Variants in EXOC3L4 observed in about 807,000 individuals in gnomAD.
EXOC3L4 encodes the protein exocyst complex component 3 like 4.
Under a neutral mutation model 69.7 loss-of-function variants are expected in EXOC3L4, and 62 were observed. That is an observed-to-expected ratio of 0.89 (90% confidence interval 0.72 to 1.10). The LOEUF is 1.10. EXOC3L4 is among the 50% of genes least tolerant of loss of function. The pLI is 0.00. For synonymous variants in EXOC3L4, 502 were observed against 464.2 expected, an observed-to-expected ratio of 1.08 and a Z score of -1.05; for missense variants, 1,087 against 1,034.8, an observed-to-expected ratio of 1.05 and a Z score of -0.69.
intron 2 of EXOC3L4, among the ~76,000 whole-genome samples, chr14:103,101,244 G>A (rs892577656): frequency 6.6e-6 from 1 of 151,988 alleles, no homozygotes; most frequent in East Asian, 1.9e-4. Flanking sequence ...GTAGAGATAT[G>A]GTCTTGCTAT....
At position 103,100,447 on chromosome 14, in the gene EXOC3L4, C is replaced by G; in HGVS notation, c.228C>G (p.Phe76Leu). The change falls in exon 2 of 12, where the codon TTC becomes TTG. Residue 76 changes from phenylalanine (F) to leucine (L), a missense_variant. Phe to Leu is a conservative substitution (Grantham distance 22, BLOSUM62 0). Transcript: ENST00000688303. ...TQVSKEDTGL[F>L]RRSSCSLFRS... ...TCTCCAAGGAAGATACGGGCCTGTT[C>G]CGGCGAAGCTCCTGCTCCCTGTTCC... is the stretch of plus-strand genomic sequence containing the variant. 3 of 1,613,394 alleles carry G rather than the reference C, an allele frequency of 1.9e-6. No individual in the cohort carries two copies. The South Asian group carries it at 3.3e-5, about 18-fold the overall frequency.
In EXOC3L4 at chr14:103,102,114, G is replaced by A. The variant is rs1890217457; in HGVS notation, c.395-4G>A. On this transcript the variant is annotated splice_region_variant and splice_polypyrimidine_tract_variant and intron_variant, in intron 2 of 11. Transcript: ENST00000688303. ...CTCACCGCCCTTCTCGCCCGCCTGT[G>A]CAGAAGGCAAATCCGTGGCCGACCT... The A allele has an allele frequency of 1.3e-6, 2 of 1,599,852 alleles. No homozygotes were observed. Among genetic ancestry groups the A allele is most frequent in the African/African-American group, 1.3e-5 (1 of 74,638 alleles).
chr14:103,095,504 G>A (rs897101080), intron 1 of EXOC3L4, among the ~76,000 whole-genome samples: 5 of 101,286 alleles, frequency 4.9e-5, no homozygotes, highest in Admixed American at 4.8e-4. Flanking sequence ...GAGGGGCTGA[G>A]GTCATTGTAG....
Position 103,100,426 on chromosome 14 carries a change from C to T in EXOC3L4, c.207C>T (p.Ser69=). ...GCCAGCGGGCTTTGACCCAGGTCTC[C>T]AAGGAAGATACGGGCCTGTTCCGGC... is the stretch of plus-strand genomic sequence containing the variant. The part of the protein sequence containing the change: ...RASQRALTQV[S]KEDTGLFRRS... Residue 69 remains serine, a synonymous_variant, in exon 2 of 12, where the codon TCC becomes TCT. Transcript: ENST00000688303. The T allele has an allele frequency of 6.2e-7, 1 of 1,613,142 alleles. No homozygotes were observed. Among genetic ancestry groups the T allele is most frequent in the Non-Finnish European group, 8.5e-7 (1 of 1,179,812 alleles).
At chr14:103,096,426 T>C (rs1318550032) in intron 1 of EXOC3L4, among the ~76,000 whole-genome samples, 1 of 118,268 alleles carries the variant, frequency 8.5e-6, no homozygotes, top group Non-Finnish European at 1.8e-5. Context: ...ATTGTAAGAT[T>C]TAGTAGAGTG....
chr14:103,103,610 C>G (rs1245936369), intron 3 of EXOC3L4: 1 of 291,560 alleles, frequency 3.4e-6, no homozygotes, highest in Non-Finnish European at 6.4e-6. Flanking sequence ...GGGGTCAGAC[C>G]CGTGTCCGCC....
At chr14:103,107,337 G>T (rs977284789) in intron 8 of EXOC3L4, 87 bp from the exon 9 acceptor site, 63 of 1,552,854 alleles carry the variant, frequency 4.1e-5, no homozygotes, top group Non-Finnish European at 5.4e-5. Flanking sequence ...GAGGGAAGGG[G>T]TCAGGAGTGG....
At chr14:103,104,195 C>A (rs551161187) in intron 4 of EXOC3L4, 72 bp from the exon 5 acceptor site, 20 of 1,467,630 alleles carry the variant, frequency 1.4e-5, no homozygotes, top group East Asian at 2.6e-5. Context: ...CCCGACAGGG[C>A]GGCCCTCATC....
In EXOC3L4 at chr14:103,104,394, G is replaced by A. The variant is rs1201070155; in HGVS notation, c.1284+5G>A. On this transcript the variant is annotated splice_donor_5th_base_variant and intron_variant, in intron 5 of 11. Coordinates refer to ENST00000688303, the MANE Select transcript of EXOC3L4 (RefSeq NM_001077594.2). The stretch of plus-strand genomic sequence containing the variant: ...CTGTCCATGGACGTCCATATGGTGC[G>A]GCCCGGGAGCAGGGGCTGAGAAGGG... 1 of 1,558,626 alleles carries A rather than the reference G, an allele frequency of 6.4e-7. No individual in the cohort carries two copies. Among genetic ancestry groups the A allele is most frequent in the Non-Finnish European group, 8.7e-7 (1 of 1,154,024 alleles).
At chr14:103,094,434 C>G (rs1213780327), upstream of EXOC3L4, among the ~76,000 whole-genome samples, 2 of 152,270 alleles carry the variant, frequency 1.3e-5, no homozygotes, top group East Asian at 3.9e-4. Flanking sequence ...CCGCTGGCCT[C>G]TGAGCAAAGG....
intron 1 of EXOC3L4, among the ~76,000 whole-genome samples, chr14:103,099,248 C>T (rs560247951): frequency 1.8e-4 from 28 of 152,306 alleles, no homozygotes; most frequent in African/African-American, 4.8e-4. Context: ...GTGGGAGGCC[C>T]CTCCCCTCTC....
chr14:103,102,217 C>A lies in EXOC3L4; in HGVS notation c.494C>A (p.Ser165Ter). 6.3e-7 allele frequency: 1 copy of A among 1,592,394 alleles called. No homozygotes were observed. The highest frequency in any genetic ancestry group is 8.5e-7 in the Non-Finnish European group (1 of 1,170,338). The change falls in exon 3 of 12, where the codon TCG becomes TAG. Residue 165 changes from serine to a stop codon, truncating the protein, a stop_gained. Transcript: ENST00000688303. LOFTEE classifies it high-confidence loss of function. ...LETLLVAEKA[S>*]RTFEQDPTAF... Reference sequence around the variant, plus strand: ...ACGCTGCTGGTGGCCGAGAAGGCCTCGCGCACCTTTGAGCAGGACCCTACG... The same window carrying A: ...ACGCTGCTGGTGGCCGAGAAGGCCTAGCGCACCTTTGAGCAGGACCCTACG...
intron 11 of EXOC3L4, among the ~76,000 whole-genome samples, 177 bp from the exon 12 acceptor site, chr14:103,109,854 C>T (rs1052119733): frequency 6.6e-5 from 10 of 151,248 alleles, no homozygotes; most frequent in South Asian, 2.1e-4. Flanking sequence ...CCCAGGCCCA[C>T]GCCCTGCCCC....
chr14:103,107,550 C>T lies in EXOC3L4; in HGVS notation c.1701+7C>T, dbSNP rs373269045. 3.3e-5 allele frequency: 53 copies of T among 1,613,342 alleles called. No individual in the cohort carries two copies. The highest frequency in any genetic ancestry group is 4.4e-5 in the Non-Finnish European group (52 of 1,179,920). On this transcript the variant is annotated splice_region_variant and intron_variant, in intron 9 of 11. Coordinates refer to ENST00000688303, the MANE Select transcript of EXOC3L4 (RefSeq NM_001077594.2). ...GGCCCGGCCGCGGGCACAGGTACCA[C>T]AAGGGGGAGGGCCCTGGCAGGGCTG...
intron 11 of EXOC3L4, among the ~76,000 whole-genome samples, chr14:103,109,003 G>A (rs947159957): frequency 7.9e-5 from 12 of 151,280 alleles, no homozygotes; most frequent in African/African-American, 2.9e-4. Flanking sequence ...ACCCTGCCAT[G>A]GGGTGGGGAA....
chr14:103,106,517 G>A (rs943374412), intron 7 of EXOC3L4, among the ~76,000 whole-genome samples: 6 of 152,194 alleles, frequency 3.9e-5, no homozygotes, highest in Non-Finnish European at 7.4e-5. Flanking sequence ...TGGCTATGCC[G>A]CACTGTTTAT....
At chr14:103,096,584 C>T (rs1434795682) in intron 1 of EXOC3L4, among the ~76,000 whole-genome samples, 1 of 152,094 alleles carries the variant, frequency 6.6e-6, no homozygotes, top group Non-Finnish European at 1.5e-5. Flanking sequence ...CTGTTTTTGC[C>T]TAATTAGCAT....
intron 7 of EXOC3L4, among the ~76,000 whole-genome samples, chr14:103,105,836 A>G (rs1890516540): frequency 6.6e-6 from 1 of 152,174 alleles, no homozygotes; most frequent in African/African-American, 2.4e-5. Flanking sequence ...CTTTTTTAAA[A>G]GTGTGTAAAT....
At position 103,107,420 on chromosome 14, in the gene EXOC3L4, C is replaced by T; in HGVS notation, c.1582-4C>T. ...TTGCAGACTCCCAGCCCCTCTGTCC[C>T]CAGCCGCTCTTCAGGGTTGTGTGCA... On this transcript the variant is annotated splice_polypyrimidine_tract_variant and splice_region_variant and intron_variant, in intron 8 of 11. Coordinates refer to ENST00000688303, the MANE Select transcript of EXOC3L4 (RefSeq NM_001077594.2). 1 of 1,613,100 alleles carries T rather than the reference C, an allele frequency of 6.2e-7. No individual in the cohort carries two copies. Among genetic ancestry groups the T allele is most frequent in the Non-Finnish European group, 8.5e-7 (1 of 1,179,370 alleles).
Sources: allele counts gnomAD v4.1 joint callset (sites outside exome capture counted in the v4.1 genomes callset), GRCh38; gene constraint gnomAD v4.1.1; transcripts MANE v1.5; gene names NCBI Gene and HGNC (gene_info 2026-07-23, HGNC 2026-07-21).